Variants in TNR observed in about 807,000 individuals in gnomAD.
TNR encodes the protein tenascin-R.
TNR carries 45 observed loss-of-function variants against 150.4 expected under a neutral mutation model. The observed-to-expected ratio is 0.30, with a 90% CI of 0.24 to 0.38. The LOEUF (loss-of-function observed/expected upper bound fraction) is 0.38. Ranked by LOEUF, TNR falls within the 10% of genes least tolerant of loss-of-function variation. The pLI, the probability that TNR is intolerant of heterozygous loss-of-function variation, is 1.00. For synonymous variants in TNR, 687 were observed against 678.4 expected (o/e 1.01, Z -0.20); for missense variants, 1,544 against 1,759.1 (o/e 0.88, Z 2.19).
At chr1:175,719,007 A>C (rs181106505) in intron 1 of TNR, among the ~76,000 whole-genome samples, 117 of 152,294 alleles carry the variant, frequency 7.7e-4, no homozygotes, top group African/African-American at 2.8e-3. Flanking sequence ...GGTCCCTTGA[A>C]GCTGCAGTTG....
intron 7 of TNR, among the ~76,000 whole-genome samples, chr1:175,389,519 C>T (rs1653077861): frequency 6.6e-6 from 1 of 152,174 alleles, no homozygotes; most frequent in African/African-American, 2.4e-5. Context: ...AGACTATTAC[C>T]ATTAGATCAT....
intron 12 of TNR, among the ~76,000 whole-genome samples, 168 bp downstream of exon 12, chr1:175,364,842 T>C (rs1557887002): frequency 2.0e-5 from 3 of 152,216 alleles, no homozygotes; most frequent in Non-Finnish European, 4.4e-5. Context: ...TAATGCATCT[T>C]CTGCAGCACT....
At chr1:175,692,877 A>T (rs564715360) in intron 1 of TNR, among the ~76,000 whole-genome samples, 2 of 152,316 alleles carry the variant, frequency 1.3e-5, no homozygotes, top group South Asian at 4.1e-4. Flanking sequence ...GGGAGACAAC[A>T]TCACATGTAG....
intron 8 of TNR, among the ~76,000 whole-genome samples, chr1:175,383,300 T>C (rs1652771857): frequency 6.6e-6 from 1 of 152,194 alleles, no homozygotes; most frequent in African/African-American, 2.4e-5. Context: ...ATTCAACCTA[T>C]AATAGCAATA....
At chr1:175,574,302 C>T (rs1258866732) in intron 1 of TNR, among the ~76,000 whole-genome samples, 1 of 152,174 alleles carries the variant, frequency 6.6e-6, no homozygotes, top group Non-Finnish European at 1.5e-5. Flanking sequence ...AAAAGACGTC[C>T]TGTCCCCATT....
rs534865571 is a variant in TNR, at chr1:175,317,112, C to G, written c.*6245G>C. 1 of 152,174 alleles carries G rather than the reference C, an allele frequency of 6.6e-6. No individual in the cohort carries two copies. Among genetic ancestry groups the G allele is most frequent in the Non-Finnish European group, 1.5e-5 (1 of 68,036 alleles). 9.4% of individuals were successfully genotyped at this position (152,174 alleles called of 1,614,324 possible). On this transcript the variant is annotated 3_prime_UTR_variant, in exon 23 of 23. Transcript: ENST00000367674. ...TTCCCTCTTCTATAAAATGGTTAAA[C>G]CTGACTTAAAGTTTATGGTGAGGAT...
chr1:175,607,937 A>G (rs905483281), intron 1 of TNR, among the ~76,000 whole-genome samples: 6 of 152,220 alleles, frequency 3.9e-5, no homozygotes, highest in African/African-American at 1.4e-4. Flanking sequence ...TGCTTAACTG[A>G]TGTACAGGTT....
intron 13 of TNR, among the ~76,000 whole-genome samples, chr1:175,363,492 C>T (rs2629477): frequency 0.02 from 2,997 of 152,206 alleles, 108 homozygotes; most frequent in African/African-American, 0.069. Flanking sequence ...TAGTGAAGGG[C>T]CTGCTCTCTG....
chr1:175,593,113 T>C (rs1444057259), intron 1 of TNR, among the ~76,000 whole-genome samples: 1 of 152,190 alleles, frequency 6.6e-6, no homozygotes, highest in Non-Finnish European at 1.5e-5. Context: ...AGTGGCAGAA[T>C]TTCTTTATGG....
intron 19 of TNR, among the ~76,000 whole-genome samples, chr1:175,336,582 C>T (rs1401636422): frequency 6.6e-6 from 1 of 152,226 alleles, no homozygotes; most frequent in African/African-American, 2.4e-5. Context: ...GCTGCTCCGA[C>T]CGGCTTGCAT....
intron 1 of TNR, among the ~76,000 whole-genome samples, chr1:175,611,463 G>A (rs1663595729): frequency 6.6e-6 from 1 of 151,978 alleles, no homozygotes; most frequent in Admixed American, 6.6e-5. Context: ...CTCCCAAGTA[G>A]CTGGGACTAC....
chr1:175,330,345 T>G, intron 20 of TNR, 110 bp from the exon 21 acceptor site: 27 of 1,163,962 alleles, frequency 2.3e-5, no homozygotes, highest in African/African-American at 3.1e-5. Flanking sequence ...AGGAGGGGAC[T>G]CCAGATTGCT....
intron 2 of TNR, among the ~76,000 whole-genome samples, chr1:175,489,331 G>GTTCCC (rs750503589): frequency 2.6e-5 from 4 of 152,288 alleles, no homozygotes; most frequent in Non-Finnish European, 5.9e-5. Context: ...AAGAAAGACT[G>GTTCCC]TTCCACTCCA....
At chr1:175,346,256 G>T (rs1650777753) in intron 18 of TNR, among the ~76,000 whole-genome samples, 1 of 152,150 alleles carries the variant, frequency 6.6e-6, no homozygotes, top group African/African-American at 2.4e-5. Context: ...TATTTATATT[G>T]TCTTAAATAA....
chr1:175,453,238 G>A (rs1656404154), intron 2 of TNR, among the ~76,000 whole-genome samples: 1 of 152,154 alleles, frequency 6.6e-6, no homozygotes, highest in African/African-American at 2.4e-5. Context: ...CAAGAATAGG[G>A]CAGAAACTCC....
intron 2 of TNR, among the ~76,000 whole-genome samples, chr1:175,453,811 G>A (rs1316440664): frequency 6.6e-6 from 1 of 152,190 alleles, no homozygotes; most frequent in Non-Finnish European, 1.5e-5. Flanking sequence ...GGCTTCAAGT[G>A]AGCCTCCTGC....
Position 175,403,302 on chromosome 1 carries a change from C to G in TNR, c.814G>C (p.Gly272Arg). ...RELRCPGDCS[G>R]KGRCANGTCL... The stretch of plus-strand genomic sequence containing the variant: ...GTACCGTTGGCACATCTCCCCTTCC[C>G]CGAACAGTCCCCAGGGCACCTCAGT... Residue 272 changes from glycine to arginine, a missense_variant, in exon 4 of 23, where the codon GGG becomes CGG. Around this residue, in one of 2 missense-constraint regions of TNR, gnomAD observed 1,254 missense variants for 1,329.4 expected, o/e 0.94. Coordinates refer to ENST00000367674, the MANE Select transcript of TNR (RefSeq NM_003285.3). 6.2e-7 allele frequency: 1 copy of G among 1,614,196 alleles called. No individual in the cohort carries two copies. Among genetic ancestry groups the G allele is most frequent in the South Asian group, 1.1e-5 (1 of 91,084 alleles).
chr1:175,693,517 G>A (rs557075614), intron 1 of TNR, among the ~76,000 whole-genome samples: 1 of 152,286 alleles, frequency 6.6e-6, no homozygotes, highest in Admixed American at 6.5e-5. Context: ...AGACTTTGAT[G>A]ATTAATTTCC....
intron 17 of TNR, among the ~76,000 whole-genome samples, chr1:175,355,071 A>G (rs1207514019): frequency 6.6e-6 from 1 of 152,210 alleles, no homozygotes; most frequent in Non-Finnish European, 1.5e-5. Flanking sequence ...ATAAAAGCCT[A>G]TTGAATTTGG....
Sources: gnomAD v4.1 joint callset for allele counts (sites outside exome capture counted in the v4.1 genomes callset) on GRCh38, gnomAD v4.1.1 for gene constraint, gnomAD v4.1.1 regional missense constraint, MANE v1.5 for transcripts, NCBI Gene and HGNC (gene_info 2026-07-23, HGNC 2026-07-21) for gene names.